SYT1: variants seen among roughly 807,000 people sequenced by gnomAD.
SYT1 encodes the protein synaptotagmin 1.
SYT1 carries 8 observed loss-of-function variants against 44.8 expected under a neutral mutation model. The observed-to-expected ratio is 0.18, with a 90% CI of 0.10 to 0.32. The LOEUF is 0.32. Ranked by LOEUF, SYT1 falls within the 10% of genes least tolerant of loss-of-function variation. SYT1 has a pLI of 1.00. For synonymous variants in SYT1, 154 were observed against 188.8 expected, an observed-to-expected ratio of 0.82 and a Z score of 1.51; for missense variants, 286 against 509.3, an observed-to-expected ratio of 0.56 and a Z score of 4.22.
chr12:79,287,547 C>CA (rs1879371667), intron 5 of SYT1, among the ~76,000 whole-genome samples: 1 of 151,980 alleles, frequency 6.6e-6, no homozygotes, highest in African/African-American at 2.4e-5. Flanking sequence ...ATTGTGAAAA[C>CA]AATAATTTGA....
intron 3 of SYT1, among the ~76,000 whole-genome samples, chr12:79,182,771 A>T (rs914636509): frequency 6.6e-6 from 1 of 152,110 alleles, no homozygotes; most frequent in Non-Finnish European, 1.5e-5. Flanking sequence ...AGCAAATTGC[A>T]TAATATTAGT....
chr12:79,034,961 C>T lies in SYT1; in HGVS notation c.-83-12336C>T, dbSNP rs553250698. 2.6e-5 allele frequency among the ~76,000 whole-genome samples: 4 copies of T among 151,650 alleles called. No individual in the cohort carries two copies. In the South Asian group the frequency reaches 6.2e-4, roughly 24 times the overall value. On this transcript the variant is annotated intron_variant, in intron 2 of 10. Transcript: ENST00000261205. Reference sequence around the variant, plus strand: ...CTATTTTATTTCTACAGTTGTTCTCCACATGGATGCCCAACAGTGGAAACC... The same window carrying T: ...CTATTTTATTTCTACAGTTGTTCTCTACATGGATGCCCAACAGTGGAAACC...
intron 3 of SYT1, among the ~76,000 whole-genome samples, chr12:79,148,945 TAA>T (rs1236653043): frequency 6.6e-6 from 1 of 152,166 alleles, no homozygotes; most frequent in Non-Finnish European, 1.5e-5. Context: ...CAATATCGTT[TAA>T]ATTAGTTCTT....
intron 9 of SYT1, among the ~76,000 whole-genome samples, chr12:79,367,704 G>T (rs950756426): frequency 1.3e-5 from 2 of 151,918 alleles, no homozygotes; most frequent in South Asian, 4.2e-4. Flanking sequence ...AGAAAAACCT[G>T]GTTGGATTAT....
At chr12:79,057,401 GA>G (rs1875037581) in intron 3 of SYT1, among the ~76,000 whole-genome samples, 1 of 151,508 alleles carries the variant, frequency 6.6e-6, no homozygotes, top group African/African-American at 2.4e-5. Flanking sequence ...TAACTCATAT[GA>G]CCCCCCCCAA....
intron 1 of SYT1, among the ~76,000 whole-genome samples, chr12:78,879,668 A>G (rs1313383160): frequency 2.6e-5 from 4 of 151,806 alleles, no homozygotes; most frequent in African/African-American, 7.2e-5. Flanking sequence ...TATCTTTTGA[A>G]TATGTTTACT....
intron 10 of SYT1, among the ~76,000 whole-genome samples, chr12:79,448,113 T>C (rs1043822902): frequency 2.0e-5 from 3 of 152,186 alleles, no homozygotes; most frequent in Non-Finnish European, 2.9e-5. Flanking sequence ...CATAATGGTA[T>C]AGGTTTGCTT....
intron 8 of SYT1, among the ~76,000 whole-genome samples, chr12:79,338,310 T>C (rs1355780076): frequency 6.6e-6 from 1 of 151,028 alleles, no homozygotes; most frequent in African/African-American, 2.4e-5. Context: ...AGGATCTCAC[T>C]CTGTCACCCA....
At chr12:79,213,034 T>C (rs1050130289) in intron 3 of SYT1, among the ~76,000 whole-genome samples, 1 of 152,230 alleles carries the variant, frequency 6.6e-6, no homozygotes, top group African/African-American at 2.4e-5. Context: ...TGTTATTTTA[T>C]ATTAATATGT....
At chr12:78,969,888 A>G (rs2137382778) in intron 1 of SYT1, among the ~76,000 whole-genome samples, 1 of 152,304 alleles carries the variant, frequency 6.6e-6, no homozygotes, top group East Asian at 1.9e-4. Context: ...GATAAAATTT[A>G]CAAGTAAAGG....
At chr12:79,431,329 A>C (rs1266024602) in intron 9 of SYT1, among the ~76,000 whole-genome samples, 1 of 152,168 alleles carries the variant, frequency 6.6e-6, no homozygotes, top group Admixed American at 6.5e-5. Context: ...TGTCAAGGAA[A>C]TCAGTGTATA....
At chr12:79,005,992 A>T (rs996868018) in intron 2 of SYT1, among the ~76,000 whole-genome samples, 1 of 152,074 alleles carries the variant, frequency 6.6e-6, no homozygotes, top group South Asian at 2.1e-4. Flanking sequence ...ATTGTTTTGC[A>T]TTGAAAGTGT....
chr12:79,409,009 G>A (rs1251388848), intron 9 of SYT1, among the ~76,000 whole-genome samples: 1 of 151,590 alleles, frequency 6.6e-6, no homozygotes, highest in Non-Finnish European at 1.5e-5. Flanking sequence ...TTTCTCATCG[G>A]GCCAGCATTA....
intron 4 of SYT1, among the ~76,000 whole-genome samples, chr12:79,278,507 G>A (rs1250139016): frequency 6.6e-6 from 1 of 152,058 alleles, no homozygotes. Flanking sequence ...CTGGGATACA[G>A]CAAGAGCAGA....
At chr12:79,040,309 G>A (rs1873458514) in intron 2 of SYT1, among the ~76,000 whole-genome samples, 1 of 151,808 alleles carries the variant, frequency 6.6e-6, no homozygotes, top group Non-Finnish European at 1.5e-5. Flanking sequence ...TTTAATGATT[G>A]CCATTCTAAC....
At chr12:79,074,502 C>G (rs1206438809) in intron 3 of SYT1, among the ~76,000 whole-genome samples, 1 of 152,122 alleles carries the variant, frequency 6.6e-6, no homozygotes, top group Non-Finnish European at 1.5e-5. Flanking sequence ...CTCATTAAGT[C>G]TTTTAAAAAT....
chr12:79,407,789 T>A (rs962737903), intron 9 of SYT1, among the ~76,000 whole-genome samples: 4 of 152,036 alleles, frequency 2.6e-5, no homozygotes, highest in Admixed American at 2.6e-4. Context: ...CAAAGAACAT[T>A]ATAGTTTTAG....
At chr12:79,369,534 T>G (rs1045124888) in intron 9 of SYT1, among the ~76,000 whole-genome samples, 2 of 152,212 alleles carry the variant, frequency 1.3e-5, no homozygotes, top group East Asian at 3.8e-4. Context: ...TGATCCATAT[T>G]GAGATTAAGG....
intron 3 of SYT1, among the ~76,000 whole-genome samples, chr12:79,145,031 T>G (rs1218357407): frequency 2.0e-5 from 3 of 152,148 alleles, no homozygotes; most frequent in Non-Finnish European, 4.4e-5. Flanking sequence ...TAAGCTTCAG[T>G]TTACCTGTAT....
Sources: gnomAD v4.1 joint callset for allele counts (sites outside exome capture counted in the v4.1 genomes callset) on GRCh38, gnomAD v4.1.1 for gene constraint, MANE v1.5 for transcripts, NCBI Gene and HGNC (gene_info 2026-07-23, HGNC 2026-07-21) for gene names.